LTBP1: variants seen among roughly 807,000 people sequenced by gnomAD.
LTBP1 encodes latent-transforming growth factor beta-binding protein 1.
In LTBP1, 129 loss-of-function variants were observed where a neutral mutation model predicts 207.6. That is an observed-to-expected ratio of 0.62 (90% CI 0.54 to 0.72). The LOEUF is 0.72. Among genes scored for constraint, LTBP1 ranks in the 30% least tolerant of loss-of-function variants. The pLI, the probability that LTBP1 is intolerant of heterozygous loss-of-function variation, is 0.00. For synonymous variants in LTBP1, 963 were observed against 833.7 expected, an observed-to-expected ratio of 1.16 and a Z score of -2.67; for missense variants, 2,281 against 2,217.2, an observed-to-expected ratio of 1.03 and a Z score of -0.58.
intron 3 of LTBP1, among the ~76,000 whole-genome samples, chr2:33,100,577 T>A (rs2079667245): frequency 6.6e-6 from 1 of 152,124 alleles, no homozygotes; most frequent in Non-Finnish European, 1.5e-5. Context: ...ATCTTAACCA[T>A]TTTCATTGTA....
At chr2:33,077,950 G>A (rs1332360743) in intron 3 of LTBP1, among the ~76,000 whole-genome samples, 1 of 152,172 alleles carries the variant, frequency 6.6e-6, no homozygotes, top group Non-Finnish European at 1.5e-5. Flanking sequence ...CCGAACAGGA[G>A]GGGAAGTGGT....
intron 5 of LTBP1, among the ~76,000 whole-genome samples, chr2:33,170,521 C>T (rs931392495): frequency 3.9e-5 from 6 of 152,234 alleles, no homozygotes; most frequent in African/African-American, 1.2e-4. Context: ...CTGGGTGGAG[C>T]CCACCACAGC....
chr2:33,188,538 T>G, intron 6 of LTBP1, 39 bp from the exon 7 acceptor site: 2 of 1,520,198 alleles, frequency 1.3e-6, no homozygotes, highest in Non-Finnish European at 1.8e-6. Context: ...GCCTGTTAGT[T>G]ATTCAGGACT....
At chr2:33,067,402 A>G (rs2077566837) in intron 3 of LTBP1, among the ~76,000 whole-genome samples, 1 of 152,242 alleles carries the variant, frequency 6.6e-6, no homozygotes, top group African/African-American at 2.4e-5. Context: ...TACACTTCTT[A>G]TGCTGTCAAA....
chr2:33,330,696 G>A (rs1004907990), intron 24 of LTBP1, among the ~76,000 whole-genome samples: 1 of 150,368 alleles, frequency 6.7e-6, no homozygotes, highest in Admixed American at 6.6e-5. Context: ...TTTCCTTATA[G>A]CAGTCTAAGC....
rs992294019 is a variant in LTBP1 at position 33,232,873 on chromosome 2, C to A, written c.1876+10722C>A. Among the ~76,000 whole-genome samples the A allele has an allele frequency of 5.3e-5, 8 of 152,122 alleles. No homozygotes were observed. In the South Asian group the frequency reaches 1.2e-3, roughly 24 times the overall value. On this transcript the variant is annotated intron_variant, in intron 9 of 33. Coordinates refer to ENST00000404816, the MANE Select transcript of LTBP1 (RefSeq NM_206943.4). ...AATGAGACTACTCGTGTGTACAATTCCAGGTTGATAGTTGTTTTCTAGTGG... is the reference window on the plus strand; with the variant it reads ...AATGAGACTACTCGTGTGTACAATTACAGGTTGATAGTTGTTTTCTAGTGG...
intron 11 of LTBP1, 132 bp from the exon 12 acceptor site, chr2:33,257,152 C>T: frequency 1.5e-6 from 1 of 663,602 alleles, no homozygotes; most frequent in Non-Finnish European, 2.5e-6. Context: ...ACATTTTGCA[C>T]CTGTTTTTGA....
chr2:33,161,976 T>C (rs554880166), intron 5 of LTBP1, among the ~76,000 whole-genome samples: 1 of 152,362 alleles, frequency 6.6e-6, no homozygotes, highest in South Asian at 2.1e-4. Context: ...GCATGCTTGC[T>C]AGCATTTTGT....
At chr2:33,150,710 C>CTTT (rs1176008947) in intron 5 of LTBP1, among the ~76,000 whole-genome samples, 17 of 69,296 alleles carry the variant, frequency 2.5e-4, no homozygotes, top group African/African-American at 7.4e-4. Context: ...TTTTCTTTTT[C>CTTT]TTTTTTTTTT....
At chr2:32,971,749 CT>C (rs1680917602) in intron 2 of LTBP1, among the ~76,000 whole-genome samples, 1 of 151,656 alleles carries the variant, frequency 6.6e-6, no homozygotes, top group South Asian at 2.1e-4. Flanking sequence ...TGGCCTGAAG[CT>C]TTTTTTGTTT....
At chr2:33,277,511 G>T (rs577954369) in intron 18 of LTBP1, among the ~76,000 whole-genome samples, 1 of 152,018 alleles carries the variant, frequency 6.6e-6, no homozygotes. Flanking sequence ...AACTTTCCAG[G>T]TTTTCATGAA....
At chr2:33,082,233 C>T (rs2078452181) in intron 3 of LTBP1, among the ~76,000 whole-genome samples, 1 of 152,060 alleles carries the variant, frequency 6.6e-6, no homozygotes, top group Non-Finnish European at 1.5e-5. Flanking sequence ...GAGATTGTTG[C>T]AGCAAAAAGG....
chr2:33,186,757 C>T (rs2087248405), intron 5 of LTBP1, 99 bp from the exon 6 acceptor site: 1 of 836,974 alleles, frequency 1.2e-6, no homozygotes, highest in African/African-American at 1.7e-5. Flanking sequence ...GACTCTGATG[C>T]CTATAATGGG....
At chr2:33,278,839 T>C (rs985846590) in intron 18 of LTBP1, among the ~76,000 whole-genome samples, 5 of 152,186 alleles carry the variant, frequency 3.3e-5, no homozygotes, top group Non-Finnish European at 5.9e-5. Context: ...CCACTATGTA[T>C]CATTGGCCAT....
At chr2:33,253,778 A>G (rs2092748691) in intron 11 of LTBP1, among the ~76,000 whole-genome samples, 1 of 152,148 alleles carries the variant, frequency 6.6e-6, no homozygotes, top group South Asian at 2.1e-4. Context: ...GTTAAGGCAA[A>G]GGATAATACA....
intron 7 of LTBP1, among the ~76,000 whole-genome samples, chr2:33,189,948 G>A (rs992424991): frequency 3.3e-5 from 5 of 152,112 alleles, no homozygotes; most frequent in Non-Finnish European, 4.4e-5. Context: ...AACCACTGGA[G>A]CCTGGGAGAT....
intron 3 of LTBP1, among the ~76,000 whole-genome samples, chr2:33,078,842 G>GTTTTCTTTTC (rs1254837176): frequency 7.8e-6 from 1 of 127,400 alleles, no homozygotes; most frequent in Non-Finnish European, 1.6e-5. Context: ...CTTCTCTTCT[G>GTTTTCTTTTC]TTTTCTTTTC....
intron 32 of LTBP1, among the ~76,000 whole-genome samples, chr2:33,393,415 A>G (rs1285313405): frequency 6.7e-6 from 1 of 149,972 alleles, no homozygotes; most frequent in African/African-American, 2.4e-5. Context: ...TACATTAGGT[A>G]TATCTCCTAA....
chr2:32,959,621 A>ATATATATATT (rs1475834284), intron 2 of LTBP1, among the ~76,000 whole-genome samples: 1 of 36,670 alleles, frequency 2.7e-5, no homozygotes, highest in Non-Finnish European at 5.0e-5. Flanking sequence ...ATATATATAT[A>ATATATATATT]TTTTTTTTTT....
Sources: allele counts gnomAD v4.1 joint callset (sites outside exome capture counted in the v4.1 genomes callset), GRCh38; gene constraint gnomAD v4.1.1; transcripts MANE v1.5; gene names NCBI Gene and HGNC (gene_info 2026-07-23, HGNC 2026-07-21).